AGBL1: variants seen among roughly 807,000 people sequenced by gnomAD.
AGBL1 encodes AGBL carboxypeptidase 1, also known as cytosolic carboxypeptidase 4.
A neutral mutation model predicts 118.9 loss-of-function variants in AGBL1; 130 were observed. That is an observed-to-expected ratio of 1.09 (90% CI 0.95 to 1.26). The LOEUF is 1.26. Ranked by LOEUF, AGBL1 falls within the 50% of genes most tolerant of loss-of-function variation. The pLI is 0.00. For missense variants in AGBL1, 1,584 were observed against 1,298.1 expected (o/e 1.22, Z -3.38); for synonymous variants, 555 against 478.9 (o/e 1.16, Z -2.08).
Position 86,142,023 on chromosome 15 carries a change from C to A in AGBL1, c.71C>A (p.Ser24Tyr). 6.5e-7 allele frequency: 1 copy of A among 1,550,156 alleles called. No individual in the cohort carries two copies. Among genetic ancestry groups the A allele is most frequent in the Non-Finnish European group, 8.7e-7 (1 of 1,146,782 alleles). The change falls in exon 2 of 23, where the codon TCC becomes TAC. Residue 24 changes from serine (S) to tyrosine (Y), a missense_variant. Physicochemically the swap from Ser to Tyr is moderately radical, Grantham distance 144 (BLOSUM62 -2). Transcript: ENST00000614907. Reference protein sequence around the residue: ...HTLQSSSDKESILTILKVLGD... With the variant: ...HTLQSSSDKEYILTILKVLGD... ...TTGCAGAGCTCCTCTGACAAGGAGT[C>A]CATCCTGACCATCCTCAAGGTCCTC...
chr15:86,669,145 C>T (rs1425350048), intron 21 of AGBL1, among the ~76,000 whole-genome samples: 1 of 151,882 alleles, frequency 6.6e-6, no homozygotes, highest in Non-Finnish European at 1.5e-5. Flanking sequence ...AATAATTGAG[C>T]AAACAGGACT....
At chr15:86,471,497 AGTT>A (rs2082478338) in intron 18 of AGBL1, among the ~76,000 whole-genome samples, 1 of 91,186 alleles carries the variant, frequency 1.1e-5, no homozygotes, top group South Asian at 3.2e-4. Flanking sequence ...ATTGGCCTAT[AGTT>A]TTTTTTTTTT....
intron 22 of AGBL1, among the ~76,000 whole-genome samples, chr15:86,747,213 A>G (rs1292616708): frequency 6.6e-6 from 1 of 152,062 alleles, no homozygotes; most frequent in Non-Finnish European, 1.5e-5. Context: ...AGGAGAATGT[A>G]AGAGTATTTT....
chr15:86,988,120 C>A, intron 24 of AGBL1: 1 of 1,606,778 alleles, frequency 6.2e-7, no homozygotes, highest in Non-Finnish European at 8.5e-7. Context: ...TTGTACATTG[C>A]TTGGGGCGGG....
intron 23 of AGBL1, among the ~76,000 whole-genome samples, chr15:86,970,615 TA>T (rs2081097550): frequency 6.6e-6 from 1 of 151,974 alleles, no homozygotes; most frequent in South Asian, 2.1e-4. Flanking sequence ...TCATGGTACC[TA>T]GGTTTGATTT....
In AGBL1 at chr15:86,431,817, C is replaced by A. The variant is rs1234246021; in HGVS notation, c.2555+34271C>A. Reference sequence around the variant, plus strand: ...TGACTTCTCTGACTCTACTACCTTCCTTGACTCCACTTGGTTGAGACTCCC... The same window carrying A: ...TGACTTCTCTGACTCTACTACCTTCATTGACTCCACTTGGTTGAGACTCCC... On this transcript the variant is annotated intron_variant, in intron 18 of 22. Transcript: ENST00000614907. 2.0e-5 allele frequency among the ~76,000 whole-genome samples: 3 copies of A among 152,148 alleles called. No homozygotes were observed. In the East Asian group the frequency reaches 5.8e-4, roughly 29 times the overall value.
At chr15:86,968,920 C>A (rs143005363) in intron 23 of AGBL1, among the ~76,000 whole-genome samples, 1 of 151,698 alleles carries the variant, frequency 6.6e-6, no homozygotes, top group Non-Finnish European at 1.5e-5. Flanking sequence ...TTTATAAAGG[C>A]GCTAATTCTA....
At chr15:86,940,060 C>CTTTTTTTTT (rs5814267) in intron 23 of AGBL1, among the ~76,000 whole-genome samples, 37 of 59,454 alleles carry the variant, frequency 6.2e-4, no homozygotes, top group East Asian at 1.3e-3. Context: ...TTTGGTAGTC[C>CTTTTTTTTT]TTTTTTTTTT....
At chr15:86,113,286 T>TC (rs1420695805) in intron 1 of AGBL1, among the ~76,000 whole-genome samples, 215 of 140,138 alleles carry the variant, frequency 1.5e-3, no homozygotes, top group African/African-American at 5.6e-3. Context: ...TTTCTTTCTT[T>TC]CTTTTTTTTT....
chr15:86,605,866 T>G (rs977378376), intron 21 of AGBL1, among the ~76,000 whole-genome samples: 6 of 151,748 alleles, frequency 4.0e-5, no homozygotes, highest in Admixed American at 6.6e-5. Context: ...GTGGCTCACA[T>G]CTGTAATCCC....
chr15:87,011,061 A>AT (rs1159983032), intron 24 of AGBL1, among the ~76,000 whole-genome samples: 1 of 152,248 alleles, frequency 6.6e-6, no homozygotes, highest in African/African-American at 2.4e-5. Flanking sequence ...CTTCTCTCAT[A>AT]TATGAGTGAG....
At chr15:86,606,220 G>T (rs936093478) in intron 21 of AGBL1, among the ~76,000 whole-genome samples, 3 of 151,868 alleles carry the variant, frequency 2.0e-5, no homozygotes, top group Non-Finnish European at 4.4e-5. Context: ...ACAGACTAAG[G>T]TCTGAGATTT....
rs1596323171 is a variant in AGBL1 at position 86,633,142 on chromosome 15, A to G, written c.2995-41131A>G. On this transcript the variant is annotated intron_variant, in intron 21 of 22. Coordinates refer to ENST00000614907, the MANE Select transcript of AGBL1 (RefSeq NM_001386094.1). ...GAAAGTATCTTGAAAGCAACTACAG[A>G]GAAAACATAGATTATCTGACTACCA... Among the ~76,000 whole-genome samples the G allele has an allele frequency of 2.0e-5, 3 of 152,362 alleles. No individual in the cohort carries two copies. In the East Asian group the frequency reaches 5.8e-4, roughly 29 times the overall value.
intron 24 of AGBL1, among the ~76,000 whole-genome samples, chr15:86,991,579 A>C (rs1435089661): frequency 2.0e-5 from 3 of 152,202 alleles, no homozygotes; most frequent in African/African-American, 4.8e-5. Context: ...AGATAATTTC[A>C]GAGGAAGGGA....
At chr15:86,929,110 A>G (rs886621831) in intron 23 of AGBL1, among the ~76,000 whole-genome samples, 2 of 152,086 alleles carry the variant, frequency 1.3e-5, no homozygotes, top group African/African-American at 4.8e-5. Context: ...ACTGTCTGCC[A>G]TGTCCTCCTC....
intron 22 of AGBL1, among the ~76,000 whole-genome samples, chr15:86,734,808 A>G (rs2077570252): frequency 6.6e-6 from 1 of 152,252 alleles, no homozygotes; most frequent in East Asian, 1.9e-4. Flanking sequence ...TAGACAAACC[A>G]AAAAGAAGAT....
chr15:86,988,015 C>T (rs773989820), exon 24 of AGBL1: 16 of 1,613,398 alleles, frequency 9.9e-6, no homozygotes, highest in South Asian at 2.2e-5. Flanking sequence ...CCTGCCAAAG[C>T]ATATTTGGTT....
intron 4 of AGBL1, among the ~76,000 whole-genome samples, chr15:86,157,749 CAGA>C (rs1280459372): frequency 6.6e-6 from 1 of 152,166 alleles, no homozygotes; most frequent in African/African-American, 2.4e-5. Context: ...CTCCTATCTT[CAGA>C]AGGAGTTGGC....
At chr15:86,825,934 TAGAC>T (rs1265616110) in intron 22 of AGBL1, among the ~76,000 whole-genome samples, 4 of 144,488 alleles carry the variant, frequency 2.8e-5, no homozygotes, top group East Asian at 2.0e-4. Context: ...GATAGATAGA[TAGAC>T]AGATGAGATA....
Sources: gnomAD v4.1 joint callset for allele counts (sites outside exome capture counted in the v4.1 genomes callset) on GRCh38, gnomAD v4.1.1 for gene constraint, MANE v1.5 for transcripts, NCBI Gene and HGNC (gene_info 2026-07-23, HGNC 2026-07-21) for gene names.